The following MYOF variants were observed in gnomAD, a reference collection of about 807,000 sequenced individuals.
The protein encoded by MYOF is fer-1-like 3, myoferlin.
Under a neutral mutation model 284.2 loss-of-function variants are expected in MYOF, and 244 were observed. The ratio of observed to expected loss-of-function variants is 0.86; its 90% CI spans 0.77 to 0.95. MYOF has a LOEUF of 0.95. MYOF is among the 40% of genes least tolerant of loss of function. MYOF has a pLI of 0.00. For synonymous variants in MYOF, 904 were observed against 919.7 expected (o/e 0.98, Z 0.31); for missense variants, 2,496 against 2,560.6 (o/e 0.97, Z 0.54).
intron 51 of MYOF, among the ~76,000 whole-genome samples, chr10:93,311,153 GT>G (rs998244684): frequency 6.6e-6 from 1 of 152,134 alleles, no homozygotes; most frequent in African/African-American, 2.4e-5. Context: ...GTGAATGAAT[GT>G]TTTCTCCCTG....
chr10:93,315,114 A>C (rs866371482), intron 50 of MYOF, among the ~76,000 whole-genome samples: 3 of 152,222 alleles, frequency 2.0e-5, no homozygotes, highest in African/African-American at 7.2e-5. Flanking sequence ...TACTTTATGT[A>C]AGCCTACTTG....
At chr10:93,393,224 C>G (rs757670459) in intron 16 of MYOF, among the ~76,000 whole-genome samples, 1 of 152,250 alleles carries the variant, frequency 6.6e-6, no homozygotes, top group Admixed American at 6.5e-5. Flanking sequence ...GCTAGCTTCC[C>G]GGGGACAGAG....
chr10:93,399,291 G>C (rs929319446), intron 13 of MYOF, 101 bp downstream of exon 13: 1 of 858,672 alleles, frequency 1.2e-6, no homozygotes, highest in African/African-American at 1.7e-5. Flanking sequence ...CTCATCAGGG[G>C]GCTATTTTAA....
At chr10:93,354,950 C>T (rs1325454783) in intron 31 of MYOF, among the ~76,000 whole-genome samples, 1 of 152,182 alleles carries the variant, frequency 6.6e-6, no homozygotes, top group Non-Finnish European at 1.5e-5. Context: ...TAAGCATTTG[C>T]TAATATTATT....
chr10:93,358,087 C>G (rs529575141), intron 29 of MYOF, among the ~76,000 whole-genome samples: 1 of 152,068 alleles, frequency 6.6e-6, no homozygotes, highest in African/African-American at 2.4e-5. Context: ...AATCTACAAG[C>G]AATTTAAGCA....
chr10:93,366,023 T>C (rs787644), intron 26 of MYOF, among the ~76,000 whole-genome samples: 109,242 of 152,030 alleles, frequency 0.72, 39,550 homozygotes, highest in East Asian at 0.98. Flanking sequence ...GAGTCATGTG[T>C]CGGCATCTGT....
intron 25 of MYOF, 65 bp from the exon 26 acceptor site, chr10:93,366,620 C>A: frequency 7.2e-7 from 1 of 1,394,620 alleles, no homozygotes; most frequent in Non-Finnish European, 9.8e-7. Context: ...CTAGCACATA[C>A]ATTTTCAAGT....
Position 93,396,181 on chromosome 10 carries a change from G to A in MYOF, c.1378C>T (p.His460Tyr). 1.2e-6 allele frequency: 2 copies of A among 1,609,156 alleles called. No homozygotes were observed. The highest frequency in any genetic ancestry group is 2.2e-5 in the East Asian group (1 of 44,636). The change falls in exon 16 of 54, where the codon CAC becomes TAC. Residue 460 changes from histidine (H) to tyrosine (Y), a missense_variant. His to Tyr is a moderately conservative substitution (Grantham distance 83). This residue lies in a region of MYOF where 2,436 missense variants were observed against 2,480.7 expected (regional missense o/e 0.98). Coordinates refer to ENST00000359263, the MANE Select transcript of MYOF (RefSeq NM_013451.4). ...KNDVVGTTYL[H>Y]LSKIAASGGE... ...CCAGAGGCAGCAATTTTAGAGAGGT[G>A]TAGATATGTTGTTCCAACTACATCA... is the stretch of plus-strand genomic sequence containing the variant.
chr10:93,313,350 T>C (rs1341761472), intron 50 of MYOF, 140 bp from the exon 51 acceptor site: 5 of 736,742 alleles, frequency 6.8e-6, no homozygotes, highest in Non-Finnish European at 1.0e-5. Flanking sequence ...AAAGGGAGCC[T>C]GGTGGACATT....
At chr10:93,320,522 G>GATAATATTAATGATAC (rs1842804393) in intron 48 of MYOF, among the ~76,000 whole-genome samples, 1 of 152,122 alleles carries the variant, frequency 6.6e-6, no homozygotes, top group Non-Finnish European at 1.5e-5. Context: ...AATTCACTAT[G>GATAATATTAATGATAC]ATAATATTAA....
chr10:93,473,307 T>C (rs1263711726), intron 1 of MYOF, among the ~76,000 whole-genome samples: 1 of 152,232 alleles, frequency 6.6e-6, no homozygotes, highest in African/African-American at 2.4e-5. Flanking sequence ...CTACCCACTT[T>C]GTCTTGGCCT....
intron 23 of MYOF, among the ~76,000 whole-genome samples, chr10:93,373,820 A>G (rs1845707040): frequency 6.6e-6 from 1 of 152,178 alleles, no homozygotes; most frequent in African/African-American, 2.4e-5. Context: ...GCATTTATCC[A>G]GCACTTACTG....
At position 93,319,562 on chromosome 10, in the gene MYOF, A is replaced by G. The variant is rs142559673; in HGVS notation, c.5598+310T>C. Among the ~76,000 whole-genome samples, 441 of 152,288 alleles carry G rather than the reference A, an allele frequency of 2.9e-3. 2 individuals carry two copies. Among genetic ancestry groups the G allele is most frequent in the African/African-American group, 1.0e-2 (414 of 41,558 alleles). ...GGGAAGACATCAGTCTCCCCATCAC[A>G]TAAAGAACACACTTGGGTTGTTGTT... is the stretch of plus-strand genomic sequence containing the variant. On this transcript the variant is annotated intron_variant, in intron 49 of 53. Coordinates refer to ENST00000359263, the MANE Select transcript of MYOF (RefSeq NM_013451.4).
At chr10:93,352,656 T>A (rs1844576907) in intron 32 of MYOF, among the ~76,000 whole-genome samples, 1 of 152,218 alleles carries the variant, frequency 6.6e-6, no homozygotes, top group South Asian at 2.1e-4. Flanking sequence ...CTGAAACTCT[T>A]GTATAAGCCA....
At chr10:93,403,477 G>C (rs1459331084) in intron 9 of MYOF, among the ~76,000 whole-genome samples, 3 of 152,204 alleles carry the variant, frequency 2.0e-5, no homozygotes, top group African/African-American at 4.8e-5. Context: ...ATGAACACAG[G>C]TCTGCCTGAC....
At chr10:93,358,700 C>A (rs1182957183) in intron 29 of MYOF, among the ~76,000 whole-genome samples, 1 of 152,148 alleles carries the variant, frequency 6.6e-6, no homozygotes, top group Non-Finnish European at 1.5e-5. Context: ...AACAGAGGAA[C>A]AGAAAACCAA....
intron 3 of MYOF, among the ~76,000 whole-genome samples, chr10:93,444,911 C>G (rs1009402457): frequency 2.6e-5 from 4 of 152,212 alleles, no homozygotes; most frequent in African/African-American, 9.6e-5. Context: ...CAAGTCTACT[C>G]TCTACTTCTC....
rs762923340 is a variant in MYOF, at chr10:93,404,067, T to C, written c.799A>G (p.Asn267Asp). 9.3e-6 allele frequency: 15 copies of C among 1,614,126 alleles called. No homozygotes were observed. Among genetic ancestry groups the C allele is most frequent in the Admixed American group, 5.0e-5 (3 of 60,016 alleles). ...MDEIISIRVY[N>D]SHSLRADCLM... is the part of the protein sequence containing the mutation. ...CAATCTGCCCGCAGAGAGTGAGAAT[T>C]ATAAACCTGGAAGAAAGAAGAGTAG... Residue 267 changes from asparagine (N) to aspartate (D), a missense_variant, in exon 9 of 54, where the codon AAT becomes GAT. Coordinates refer to ENST00000359263, the MANE Select transcript of MYOF (RefSeq NM_013451.4).
intron 5 of MYOF, among the ~76,000 whole-genome samples, chr10:93,416,167 A>G (rs534481830): frequency 1.1e-4 from 16 of 152,338 alleles, no homozygotes; most frequent in South Asian, 8.3e-4. Flanking sequence ...GATTCAGCCT[A>G]TTTGAACCAA....
Sources: gnomAD v4.1 joint callset for allele counts (sites outside exome capture counted in the v4.1 genomes callset) on GRCh38, gnomAD v4.1.1 for gene constraint, gnomAD v4.1.1 regional missense constraint, MANE v1.5 for transcripts, NCBI Gene and HGNC (gene_info 2026-07-23, HGNC 2026-07-21) for gene names.